GAP43: variants seen among roughly 807,000 people sequenced by gnomAD.
GAP43 encodes neuromodulin.
Under a neutral mutation model 18.6 loss-of-function variants are expected in GAP43, and 6 were observed. That is an observed-to-expected ratio of 0.32 (90% confidence interval 0.18 to 0.64). The LOEUF (loss-of-function observed/expected upper bound fraction) is 0.64, where lower values mean the gene tolerates loss of function less well. Among genes scored for constraint, GAP43 ranks in the 30% least tolerant of loss-of-function variants. The pLI, the probability that GAP43 is intolerant of heterozygous loss-of-function variation, is 0.78. For missense variants in GAP43, 292 were observed against 295.5 expected, an observed-to-expected ratio of 0.99 and a Z score of 0.09; for synonymous variants, 115 against 111.4, an observed-to-expected ratio of 1.03 and a Z score of -0.20.
chr3:115,716,714 ACAAATATATATAT>A (rs1709507122), intron 2 of GAP43, among the ~76,000 whole-genome samples: 1,882 of 63,914 alleles, frequency 0.029, 102 homozygotes, highest in Middle Eastern at 0.069. Flanking sequence ...TTAATCTCAG[ACAAATATATATAT>A]ATATATATAT....
At chr3:115,703,006 A>G (rs1709314718) in intron 2 of GAP43, among the ~76,000 whole-genome samples, 1 of 152,120 alleles carries the variant, frequency 6.6e-6, no homozygotes, top group Non-Finnish European at 1.5e-5. Flanking sequence ...TTAAGAAAGC[A>G]AAAGGCTAAG....
chr3:115,706,404 T>C (rs1577001387), intron 2 of GAP43, among the ~76,000 whole-genome samples: 1 of 150,632 alleles, frequency 6.6e-6, no homozygotes, highest in East Asian at 2.0e-4. Context: ...AGCTGGGGGG[T>C]AGGCTGTGAC....
chr3:115,624,910 T>TG (rs1258417774), intron 1 of GAP43, among the ~76,000 whole-genome samples: 90 of 116,716 alleles, frequency 7.7e-4, no homozygotes, highest in African/African-American at 2.8e-3. Flanking sequence ...GGTGGGGGTG[T>TG]GGTGGGGGCA....
intron 2 of GAP43, among the ~76,000 whole-genome samples, chr3:115,713,909 T>G (rs974088744): frequency 6.6e-6 from 1 of 152,218 alleles, no homozygotes; most frequent in Non-Finnish European, 1.5e-5. Context: ...CTGAGATTCA[T>G]TCAAATTAGT....
intron 1 of GAP43, chr3:115,658,483 CTT>C (rs1363982991): frequency 6.6e-6 from 1 of 152,242 alleles, no homozygotes; most frequent in African/African-American, 2.4e-5. Context: ...GATCTCATCT[CTT>C]TGTTTCTCCC....
intron 1 of GAP43, among the ~76,000 whole-genome samples, chr3:115,648,679 C>T (rs1708488621): frequency 6.6e-6 from 1 of 152,012 alleles, no homozygotes; most frequent in Admixed American, 6.6e-5. Context: ...TGATTGAGAG[C>T]TTATTCATCT....
At chr3:115,697,208 A>ATAATG (rs62957560) in intron 2 of GAP43, among the ~76,000 whole-genome samples, 1 of 52 alleles carries the variant, frequency 0.019, no homozygotes, top group Non-Finnish European at 0.056. Flanking sequence ...ATTTATAATA[A>ATAATG]TAAACTTCAT....
At chr3:115,682,563 G>A (rs1255032610) in intron 2 of GAP43, among the ~76,000 whole-genome samples, 2 of 152,082 alleles carry the variant, frequency 1.3e-5, no homozygotes, top group African/African-American at 4.8e-5. Context: ...TTGAGACAGA[G>A]TCTCGCTCTG....
chr3:115,689,884 AG>A (rs1274723524), intron 2 of GAP43, among the ~76,000 whole-genome samples: 1 of 152,210 alleles, frequency 6.6e-6, no homozygotes, highest in Non-Finnish European at 1.5e-5. Flanking sequence ...ATGGTAGAAA[AG>A]AGAAAGAAGG....
intron 1 of GAP43, among the ~76,000 whole-genome samples, chr3:115,650,070 T>G (rs188599960): frequency 3.1e-4 from 47 of 152,282 alleles, no homozygotes; most frequent in African/African-American, 1.1e-3. Context: ...AGACACTTCA[T>G]TCACAAGCTC....
At position 115,644,438 on chromosome 3, in the gene GAP43, G is replaced by A. The variant is rs937965757; in HGVS notation, c.30+20719G>A. Among the ~76,000 whole-genome samples the A allele has an allele frequency of 2.0e-5, 3 of 151,962 alleles. No homozygotes were observed. Among genetic ancestry groups the A allele is most frequent in the Admixed American group, 6.6e-5 (1 of 15,218 alleles). ...AACCTGTAGCAATAAGTCAGTCACC[G>A]TGAAGCATTCTAAGCACTGAATAAG... is the stretch of plus-strand genomic sequence containing the variant. On this transcript the variant is annotated intron_variant, in intron 1 of 2. Transcript: ENST00000305124. This position sits in a 1 kb window ranked among gnomAD's most constrained non-coding sequence, Gnocchi z 4.2.
chr3:115,700,354 G>A (rs1341949921), intron 2 of GAP43, among the ~76,000 whole-genome samples: 1 of 152,028 alleles, frequency 6.6e-6, no homozygotes, highest in East Asian at 1.9e-4. Context: ...TTATTGAGAT[G>A]CCTAAAAATA....
chr3:115,702,303 T>A (rs935184642), intron 2 of GAP43, among the ~76,000 whole-genome samples: 1 of 152,214 alleles, frequency 6.6e-6, no homozygotes, highest in African/African-American at 2.4e-5. Flanking sequence ...ATCAGGTGGT[T>A]ACCTGGATAG....
At chr3:115,661,129 A>G (rs1708652463) in intron 1 of GAP43, 1 of 151,578 alleles carries the variant, frequency 6.6e-6, no homozygotes, top group African/African-American at 2.4e-5. Context: ...ATTGTTAAAA[A>G]AAAAACTGTT....
At chr3:115,649,444 C>T (rs947475799) in intron 1 of GAP43, among the ~76,000 whole-genome samples, 11 of 151,932 alleles carry the variant, frequency 7.2e-5, no homozygotes, top group African/African-American at 2.4e-4. Context: ...TAAAAAGATG[C>T]TATTTTTCAA....
At chr3:115,662,154 T>C (rs951394004) in intron 1 of GAP43, among the ~76,000 whole-genome samples, 1 of 152,122 alleles carries the variant, frequency 6.6e-6, no homozygotes, top group Non-Finnish European at 1.5e-5. Flanking sequence ...GTTTTAAACC[T>C]TAAAATATGA....
intron 2 of GAP43, among the ~76,000 whole-genome samples, chr3:115,703,699 C>T (rs1245080912): frequency 1.3e-5 from 2 of 151,990 alleles, no homozygotes; most frequent in Non-Finnish European, 2.9e-5. Flanking sequence ...GAGAAAAAAA[C>T]ATTGGGTTCA....
intron 2 of GAP43, among the ~76,000 whole-genome samples, chr3:115,699,789 G>A (rs1442019673): frequency 1.3e-5 from 2 of 152,168 alleles, no homozygotes; most frequent in Admixed American, 6.5e-5. Context: ...AGGAAACAGT[G>A]CCACTAGTCT....
intron 1 of GAP43, among the ~76,000 whole-genome samples, chr3:115,637,396 C>T (rs887804695): frequency 5.3e-5 from 8 of 152,028 alleles, no homozygotes; most frequent in Non-Finnish European, 8.8e-5. Context: ...AACCATCTTG[C>T]ATTACCTCTC....
Sources: allele counts gnomAD v4.1 joint callset (sites outside exome capture counted in the v4.1 genomes callset), GRCh38; gene constraint gnomAD v4.1.1; non-coding constraint Gnocchi (gnomAD v3.1); transcripts MANE v1.5; gene names NCBI Gene and HGNC (gene_info 2026-07-23, HGNC 2026-07-21).